The following ALPK1 variants were observed in gnomAD, a reference collection of about 807,000 sequenced individuals.
ALPK1 encodes alpha kinase 1, also known as alpha-protein kinase 1.
ALPK1 carries 110 observed loss-of-function variants against 120.6 expected under a neutral mutation model. The observed-to-expected ratio is 0.91, with a 90% CI of 0.78 to 1.07. The LOEUF (loss-of-function observed/expected upper bound fraction) is 1.07. Among genes scored for constraint, ALPK1 ranks in the 50% least tolerant of loss-of-function variants. The probability of loss-of-function intolerance (pLI) is 0.00; values close to 1 mark genes in which losing one functional copy is unlikely to be tolerated. For synonymous variants in ALPK1, 582 were observed against 560.3 expected (o/e 1.04, Z -0.55); for missense variants, 1,498 against 1,483.9 (o/e 1.01, Z -0.16).
At position 112,429,131 on chromosome 4, in the gene ALPK1, C is replaced by T. The variant is rs534324561; in HGVS notation, c.796-18C>T. The T allele has an allele frequency of 1.2e-6, 2 of 1,603,278 alleles. No homozygotes were observed. Among genetic ancestry groups the T allele is most frequent in the South Asian group, 2.2e-5 (2 of 90,880 alleles). Reference sequence around the variant, plus strand: ...AATTAATTATCACCATTCCACTTAGCCTCCTGTTTTCTCACAGAGCCTGCT... The same window carrying T: ...AATTAATTATCACCATTCCACTTAGTCTCCTGTTTTCTCACAGAGCCTGCT... On this transcript the variant is annotated intron_variant, in intron 9 of 15. Coordinates refer to ENST00000650871, the MANE Select transcript of ALPK1 (RefSeq NM_025144.4).
intron 2 of ALPK1, among the ~76,000 whole-genome samples, chr4:112,376,210 T>G (rs1731652590): frequency 6.6e-6 from 1 of 152,240 alleles, no homozygotes; most frequent in African/African-American, 2.4e-5. Context: ...ACGGTTAGAC[T>G]TGCTCTTAGT....
chr4:112,362,062 C>T (rs1730939989), intron 2 of ALPK1, among the ~76,000 whole-genome samples: 1 of 152,208 alleles, frequency 6.6e-6, no homozygotes, highest in South Asian at 2.1e-4. Context: ...CAAGGGAGCA[C>T]CTATGGGACA....
rs372745454 is a variant in ALPK1, at chr4:112,332,657, A to T, written c.-101+16805A>T. ...CCACTTGCTGAGTAAGGTCTTCTCT[A>T]ATTCTAAATACAGGAACTTGGAAAA... On this transcript the variant is annotated intron_variant, in intron 2 of 15. Coordinates refer to ENST00000650871, the MANE Select transcript of ALPK1 (RefSeq NM_025144.4). 3.9e-5 allele frequency among the ~76,000 whole-genome samples: 6 copies of T among 152,320 alleles called. No homozygotes were observed. The South Asian group carries it at 8.3e-4, about 21-fold the overall frequency.
chr4:112,361,843 C>T (rs1479723681), intron 2 of ALPK1, among the ~76,000 whole-genome samples: 1 of 152,248 alleles, frequency 6.6e-6, no homozygotes, highest in Non-Finnish European at 1.5e-5. Context: ...ACTTCATTCC[C>T]CTGCTACCTC....
At chr4:112,305,001 T>C (rs888112542) in intron 1 of ALPK1, among the ~76,000 whole-genome samples, 39 of 152,152 alleles carry the variant, frequency 2.6e-4, no homozygotes, top group Admixed American at 1.5e-3. Flanking sequence ...ATTTATTAAA[T>C]AGGGACTCCT....
At chr4:112,318,894 G>A (rs1455055806) in intron 2 of ALPK1, among the ~76,000 whole-genome samples, 1 of 152,214 alleles carries the variant, frequency 6.6e-6, no homozygotes, top group Non-Finnish European at 1.5e-5. Flanking sequence ...AGTACTAAGG[G>A]CAAGTTCACA....
intron 2 of ALPK1, among the ~76,000 whole-genome samples, chr4:112,328,247 A>C (rs1305510284): frequency 6.6e-6 from 1 of 152,232 alleles, no homozygotes; most frequent in Admixed American, 6.5e-5. Flanking sequence ...GGTCATGCCC[A>C]CTGTTGTGGG....
At chr4:112,367,485 C>A (rs1202093350) in intron 2 of ALPK1, among the ~76,000 whole-genome samples, 1 of 151,980 alleles carries the variant, frequency 6.6e-6, no homozygotes, top group Non-Finnish European at 1.5e-5. Context: ...ATTAAAAATA[C>A]AGCATAACAA....
intron 4 of ALPK1, among the ~76,000 whole-genome samples, chr4:112,401,357 G>A (rs1439130886): frequency 6.6e-6 from 1 of 152,198 alleles, no homozygotes; most frequent in Non-Finnish European, 1.5e-5. Flanking sequence ...CAGAAAGGTT[G>A]CAGAATTGTT....
intron 2 of ALPK1, among the ~76,000 whole-genome samples, chr4:112,347,591 A>C (rs997542491): frequency 6.6e-6 from 1 of 152,222 alleles, no homozygotes; most frequent in African/African-American, 2.4e-5. Flanking sequence ...TACAAGTTGA[A>C]TTATATAATT....
chr4:112,309,608 G>A (rs552912493), intron 1 of ALPK1, among the ~76,000 whole-genome samples: 6 of 152,154 alleles, frequency 3.9e-5, no homozygotes, highest in African/African-American at 9.6e-5. Context: ...GAAATCACCC[G>A]TCTTCTGCAT....
chr4:112,432,624 T>A (rs1734623412), intron 11 of ALPK1, 43 bp downstream of exon 11: 1 of 1,563,524 alleles, frequency 6.4e-7, no homozygotes, highest in South Asian at 1.2e-5. Context: ...AGGAAGCAGC[T>A]GTGTTGGGGC....
Position 112,439,852 on chromosome 4 carries a change from A to T in ALPK1, c.3518A>T (p.Asp1173Val). 6.2e-7 allele frequency: 1 copy of T among 1,608,404 alleles called. No individual in the cohort carries two copies. The highest frequency in any genetic ancestry group is 8.5e-7 in the Non-Finnish European group (1 of 1,178,732). The change falls in exon 14 of 16, where the codon GAT becomes GTT. Residue 1173 changes from aspartate (D) to valine (V), a missense_variant. Asp to Val is a radical substitution (Grantham distance 152). Transcript: ENST00000650871. ...TCTTATGAGTTTTCTAATCATAGAG[A>T]TGTTGTGGTCGATTTACAAGGTATG... ...HFSYEFSNHR[D>V]VVVDLQGWVT...
intron 2 of ALPK1, among the ~76,000 whole-genome samples, chr4:112,374,433 T>G (rs1427518659): frequency 6.6e-6 from 1 of 152,194 alleles, no homozygotes; most frequent in Non-Finnish European, 1.5e-5. Context: ...CACCCCAAAG[T>G]TATCTATGAG....
chr4:112,377,991 T>C, intron 3 of ALPK1, 93 bp downstream of exon 3: 3 of 1,372,668 alleles, frequency 2.2e-6, no homozygotes, highest in Non-Finnish European at 2.9e-6. Context: ...TGCCCTATTT[T>C]TCTTCTCTTG....
chr4:112,366,406 CA>C (rs1291124413), intron 2 of ALPK1, among the ~76,000 whole-genome samples: 1 of 150,972 alleles, frequency 6.6e-6, no homozygotes, highest in Non-Finnish European at 1.5e-5. Flanking sequence ...AGACAGTTTT[CA>C]AAAAAAGATA....
At chr4:112,358,988 C>A (rs1257021841) in intron 2 of ALPK1, 1 of 767,388 alleles carries the variant, frequency 1.3e-6, no homozygotes, top group African/African-American at 1.7e-5. Context: ...TTGAGGAGGT[C>A]TGTATACAGC....
chr4:112,432,559 C>T lies in ALPK1; in HGVS notation c.3012C>T (p.Pro1004=), dbSNP rs772371704. 43 of 1,613,106 alleles carry T rather than the reference C, an allele frequency of 2.7e-5. No homozygotes were observed. Among genetic ancestry groups the T allele is most frequent in the Non-Finnish European group, 1.6e-5 (19 of 1,179,928 alleles). ...TAGAGAATACGGGGGTTTTTAAGCC[C>T]AGTCAACTCCACCGAGCACATAGTA... ...QRLENTGVFK[P]SQLHRAHSAL... Residue 1004 remains proline, a synonymous_variant, in exon 11 of 16, where the codon CCC becomes CCT. Transcript: ENST00000650871.
At position 112,408,115 on chromosome 4, in the gene ALPK1, C is replaced by CA. The variant is rs11320970; in HGVS notation, c.277-3701dup. ...GAGCAAGGCTTCATCTCAAAAAAGA[C>CA]AAAAAAAAAAATGGAGAGCAGAACT... On this transcript the variant is annotated intron_variant, in intron 4 of 15. Transcript: ENST00000650871. Among the ~76,000 whole-genome samples, 1,226 of 145,254 alleles carry CA rather than the reference C, an allele frequency of 8.4e-3. 15 individuals carry two copies. Among genetic ancestry groups the CA allele is most frequent in the African/African-American group, 0.024 (969 of 39,566 alleles).
Sources: allele counts gnomAD v4.1 joint callset (sites outside exome capture counted in the v4.1 genomes callset), GRCh38; gene constraint gnomAD v4.1.1; transcripts MANE v1.5; gene names NCBI Gene and HGNC (gene_info 2026-07-23, HGNC 2026-07-21).